ADAMTS2: variants seen among roughly 807,000 people sequenced by gnomAD.
ADAMTS2 encodes A disintegrin and metalloproteinase with thrombospondin motifs 2.
In ADAMTS2, 50 loss-of-function variants were observed where a neutral mutation model predicts 123.0. The observed-to-expected ratio is 0.41, with a 90% confidence interval of 0.32 to 0.51. The LOEUF is 0.51. Ranked by LOEUF, ADAMTS2 falls within the 20% of genes least tolerant of loss-of-function variation. ADAMTS2 has a pLI of 0.35. For synonymous variants in ADAMTS2, 678 were observed against 695.4 expected, an observed-to-expected ratio of 0.98 and a Z score of 0.39; for missense variants, 1,494 against 1,705.2, an observed-to-expected ratio of 0.88 and a Z score of 2.18.
chr5:179,212,145 T>C (rs73809722), intron 3 of ADAMTS2, among the ~76,000 whole-genome samples: 15,015 of 149,772 alleles, frequency 0.1, 917 homozygotes, highest in South Asian at 0.18. Context: ...TGGGACTGAG[T>C]CTGCAACCTC....
chr5:179,118,097 T>G lies in ADAMTS2; in HGVS notation c.3178+3564A>C, dbSNP rs1479341017. ...TACATACTGGACTTCTATGTCTGAT[T>G]TTCTCCCCACAGTGGGCGGCATTGC... On this transcript the variant is annotated intron_variant, in intron 21 of 21. Transcript: ENST00000251582. The surrounding 1 kb of genome is among the most constrained non-coding windows in gnomAD (Gnocchi z 4.5). Among the ~76,000 whole-genome samples, 1 of 152,060 alleles carries G rather than the reference T, an allele frequency of 6.6e-6. No homozygotes were observed. The highest frequency in any genetic ancestry group is 1.5e-5 in the Non-Finnish European group (1 of 68,014).
intron 7 of ADAMTS2, 121 bp from the exon 8 acceptor site, chr5:179,154,313 T>A: frequency 7.1e-7 from 1 of 1,415,456 alleles, no homozygotes; most frequent in African/African-American, 1.4e-5. Flanking sequence ...CTTGGCCCAC[T>A]CTGAGCCGGG....
rs74955722 is a variant in ADAMTS2, at chr5:179,140,340, G to T, written c.1630-305C>A. Among the ~76,000 whole-genome samples, 5 of 152,378 alleles carry T rather than the reference G, an allele frequency of 3.3e-5. No individual in the cohort carries two copies. The East Asian group carries it at 5.8e-4, about 18-fold the overall frequency. ...TGCACCACATGACGCCGCCAGGATA[G>T]ATGCCTCCTGGGTGCCCACACACAG... On this transcript the variant is annotated intron_variant, in intron 10 of 21. Transcript: ENST00000251582.
At chr5:179,241,869 T>C (rs1210679019) in intron 3 of ADAMTS2, among the ~76,000 whole-genome samples, 1 of 152,196 alleles carries the variant, frequency 6.6e-6, no homozygotes, top group East Asian at 1.9e-4. Flanking sequence ...GGGGACCATC[T>C]TGTTGATTTT....
intron 10 of ADAMTS2, among the ~76,000 whole-genome samples, chr5:179,143,551 G>T (rs1386781799): frequency 6.6e-6 from 1 of 152,172 alleles, no homozygotes; most frequent in Admixed American, 6.5e-5. Flanking sequence ...GATGCAATCA[G>T]TGAACTTGAA....
Position 179,260,544 on chromosome 5 carries a change from C to T in ADAMTS2, c.688+12367G>A, listed in dbSNP as rs189239832. Among the ~76,000 whole-genome samples, 1 of 152,238 alleles carries T rather than the reference C, an allele frequency of 6.6e-6. No homozygotes were observed. The highest frequency in any genetic ancestry group is 1.5e-5 in the Non-Finnish European group (1 of 68,022). ...CACAGGCTACCGGGTTTTGCCAGCC[C>T]AGGCTCTGAGCGGGGACAGGAGGGC... On this transcript the variant is annotated intron_variant, in intron 3 of 21. Coordinates refer to ENST00000251582, the MANE Select transcript of ADAMTS2 (RefSeq NM_014244.5). The surrounding 1 kb of genome is among the most constrained non-coding windows in gnomAD (Gnocchi z 4.2).
chr5:179,153,094 C>T (rs903161177), intron 9 of ADAMTS2, among the ~76,000 whole-genome samples: 4 of 152,168 alleles, frequency 2.6e-5, no homozygotes, highest in African/African-American at 4.8e-5. Flanking sequence ...GCTCCTGTGC[C>T]TGCCGCGCTC....
At chr5:179,229,590 G>A (rs1292300701) in intron 3 of ADAMTS2, among the ~76,000 whole-genome samples, 1 of 152,168 alleles carries the variant, frequency 6.6e-6, no homozygotes, top group Non-Finnish European at 1.5e-5. Context: ...TCTTTGTAGG[G>A]GTCCTGCCCC....
chr5:179,230,978 T>G (rs1481663814), intron 3 of ADAMTS2, among the ~76,000 whole-genome samples: 3 of 150,756 alleles, frequency 2.0e-5, no homozygotes, highest in Non-Finnish European at 4.4e-5. Context: ...GCCACTGCAC[T>G]CCAGCCTGGG....
intron 3 of ADAMTS2, among the ~76,000 whole-genome samples, chr5:179,251,305 A>G (rs1645283910): frequency 6.6e-6 from 1 of 152,162 alleles, no homozygotes; most frequent in Admixed American, 6.5e-5. Context: ...ATCTCCAAAA[A>G]GTCTCAGGAA....
chr5:179,191,603 C>T (rs895228189), intron 4 of ADAMTS2, among the ~76,000 whole-genome samples: 1 of 98,192 alleles, frequency 1.0e-5, no homozygotes, highest in Admixed American at 1.4e-4. Flanking sequence ...GGGACAGGAA[C>T]GGTGTGGGGG....
At chr5:179,339,811 C>T (rs1011939454) in intron 2 of ADAMTS2, among the ~76,000 whole-genome samples, 7 of 152,238 alleles carry the variant, frequency 4.6e-5, no homozygotes, top group South Asian at 4.1e-4. Flanking sequence ...TCCCAGGACC[C>T]GCTCACACCT....
At chr5:179,334,206 G>A (rs977160217) in intron 2 of ADAMTS2, among the ~76,000 whole-genome samples, 23 of 152,172 alleles carry the variant, frequency 1.5e-4, no homozygotes, top group Admixed American at 5.9e-4. Flanking sequence ...GAAGTCACCC[G>A]CGTGGCCGGG....
At chr5:179,338,388 G>A (rs1008836321) in intron 2 of ADAMTS2, among the ~76,000 whole-genome samples, 2 of 152,208 alleles carry the variant, frequency 1.3e-5, no homozygotes, top group Admixed American at 1.3e-4. Flanking sequence ...GGTAGATGGT[G>A]TGGATGCTGC....
At chr5:179,284,744 G>T (rs1755969339) in intron 2 of ADAMTS2, among the ~76,000 whole-genome samples, 2 of 152,170 alleles carry the variant, frequency 1.3e-5, no homozygotes, top group Non-Finnish European at 2.9e-5. Context: ...AAAATTTACA[G>T]ATTTATGCTA....
rs1294647385 is a variant in ADAMTS2 at position 179,343,588 on chromosome 5, A to C, written c.534+179T>G. Among the ~76,000 whole-genome samples the C allele has an allele frequency of 2.0e-5, 3 of 152,250 alleles. No individual in the cohort carries two copies. In the East Asian group the frequency reaches 5.8e-4, roughly 29 times the overall value. ...AAATGGCCCCCTGCTCAGACCAGTC[A>C]AAACAACCTGCTTTCCAGCCAAGCC... is the stretch of plus-strand genomic sequence containing the variant. On this transcript the variant is annotated intron_variant, in intron 2 of 21. Transcript: ENST00000251582.
rs765944573 is a variant in ADAMTS2 at position 179,317,775 on chromosome 5, C to A, written c.534+25992G>T. Among the ~76,000 whole-genome samples the A allele has an allele frequency of 2.6e-5, 4 of 152,220 alleles. No homozygotes were observed. The highest frequency in any genetic ancestry group is 4.4e-5 in the Non-Finnish European group (3 of 68,042). On this transcript the variant is annotated intron_variant, in intron 2 of 21. Transcript: ENST00000251582. The surrounding 1 kb of genome is among the most constrained non-coding windows in gnomAD (Gnocchi z 4.9). ...TAGCGTGCCAGCACCAGCTGAGACT[C>A]CCTGGCCAGACTCATCGCCAGCTGG... is the stretch of plus-strand genomic sequence containing the variant.
rs957062808 is a variant in ADAMTS2 at position 179,162,576 on chromosome 5, G to A, written c.976-3697C>T. Among the ~76,000 whole-genome samples the A allele has an allele frequency of 5.9e-5, 9 of 152,160 alleles. No individual in the cohort carries two copies. The highest frequency in any genetic ancestry group is 2.1e-4 in the South Asian group (1 of 4,824). ...TACCGTATGGGCCCCTCCTGGGGCC[G>A]TCACCCATGTCAGCTTTACCCCACA... is the stretch of plus-strand genomic sequence containing the variant. On this transcript the variant is annotated intron_variant, in intron 5 of 21. Transcript: ENST00000251582. This position sits in a 1 kb window ranked among gnomAD's most constrained non-coding sequence, Gnocchi z 5.1.
intron 2 of ADAMTS2, among the ~76,000 whole-genome samples, chr5:179,295,177 G>T (rs913250841): frequency 2.0e-5 from 3 of 152,236 alleles, no homozygotes; most frequent in Admixed American, 6.5e-5. Context: ...GCTTTGAAAA[G>T]ACACAGAGAA....
Sources: allele counts gnomAD v4.1 joint callset (sites outside exome capture counted in the v4.1 genomes callset), GRCh38; gene constraint gnomAD v4.1.1; non-coding constraint Gnocchi (gnomAD v3.1); transcripts MANE v1.5; gene names NCBI Gene and HGNC (gene_info 2026-07-23, HGNC 2026-07-21).